The following TRAFD1 variants were observed in gnomAD, a reference collection of about 807,000 sequenced individuals.
TRAFD1 encodes the protein TRAF-type zinc finger domain containing 1.
A neutral mutation model predicts 65.3 loss-of-function variants in TRAFD1; 38 were observed. The ratio of observed to expected loss-of-function variants is 0.58; its 90% CI spans 0.45 to 0.76. TRAFD1 has a LOEUF of 0.76. TRAFD1 is among the 30% of genes least tolerant of loss of function. The pLI is 0.00. For synonymous variants in TRAFD1, 223 were observed against 257.2 expected (o/e 0.87, Z 1.27); for missense variants, 631 against 712.6 (o/e 0.89, Z 1.30).
At position 112,152,381 on chromosome 12, in the gene TRAFD1, T is replaced by C; in HGVS notation, c.1620-46T>C. 2.5e-6 allele frequency: 4 copies of C among 1,604,992 alleles called. No homozygotes were observed. The highest frequency in any genetic ancestry group is 3.4e-6 in the Non-Finnish European group (4 of 1,178,204). ...TGTTCCCTCTGAGTTTGTTGACCTTTGCTCAGGGACACTTCAGGAGCTAGT... is the reference window on the plus strand; with the variant it reads ...TGTTCCCTCTGAGTTTGTTGACCTTCGCTCAGGGACACTTCAGGAGCTAGT... On this transcript the variant is annotated intron_variant, in intron 10 of 11. Transcript: ENST00000412615. This position sits in a 1 kb window ranked among gnomAD's most constrained non-coding sequence, Gnocchi z 5.0.
At chr12:112,143,422 G>T (rs1043120184) in intron 6 of TRAFD1, among the ~76,000 whole-genome samples, 1 of 151,268 alleles carries the variant, frequency 6.6e-6, no homozygotes. Flanking sequence ...ACGGGGTTTC[G>T]CCATGTTGGC....
rs772308802 is a variant in TRAFD1, at chr12:112,130,655, G to A, written c.47+86G>A. 2 of 1,215,910 alleles carry A rather than the reference G, an allele frequency of 1.6e-6. No homozygotes were observed. The highest frequency in any genetic ancestry group is 2.4e-6 in the Non-Finnish European group (2 of 837,834). The allele number at this position is 1,215,910 out of a possible 1,614,324, so 75.3% of individuals were successfully genotyped here. On this transcript the variant is annotated intron_variant, in intron 2 of 11. Coordinates refer to ENST00000412615, the MANE Select transcript of TRAFD1 (RefSeq NM_006700.3). The surrounding 1 kb of genome is among the most constrained non-coding windows in gnomAD (Gnocchi z 4.4). ...ATTTCCTGATTTAAAAACTGTTAGT[G>A]AAGACTGGCACAGTCTTGAGTTAAG...
chr12:112,127,194 CT>C (rs1170912470), intron 1 of TRAFD1, among the ~76,000 whole-genome samples: 1 of 152,124 alleles, frequency 6.6e-6, no homozygotes, highest in Non-Finnish European at 1.5e-5. Context: ...CTATCTTTGT[CT>C]TTTCGTGGTT....
rs188839614 is a variant in TRAFD1, at chr12:112,143,165, C to T, written c.850+870C>T. On this transcript the variant is annotated intron_variant, in intron 6 of 11. Transcript: ENST00000412615. ...CACGATCTCGGCTCACTGCAACCTC[C>T]GCCTCCCGGGTTCACGCCATTCACC... 4.5e-4 allele frequency among the ~76,000 whole-genome samples: 68 copies of T among 151,694 alleles called. No individual in the cohort carries two copies. In the East Asian group the frequency reaches 0.011, roughly 25 times the overall value.
In TRAFD1 at chr12:112,151,972, C is replaced by T. The variant is rs549974987; in HGVS notation, c.1451C>T (p.Pro484Leu). ...PGCQPSSPCV[P>L]KLSNSDSQDI... Reference sequence around the variant, plus strand: ...TGCCAGCCCAGCTCTCCTTGTGTGCCGAAGCTCAGCAACTCAGACAGCCAG... The same window carrying T: ...TGCCAGCCCAGCTCTCCTTGTGTGCTGAAGCTCAGCAACTCAGACAGCCAG... Residue 484 changes from proline (P) to leucine (L), a missense_variant, in exon 10 of 12, where the codon CCG (proline) becomes CTG (leucine). Transcript: ENST00000412615. 60 of 1,614,230 alleles carry T rather than the reference C, an allele frequency of 3.7e-5. 3 individuals carry two copies. In the South Asian group the frequency reaches 4.1e-4, roughly 11 times the overall value.
At chr12:112,143,142 C>T (rs565362276) in intron 6 of TRAFD1, among the ~76,000 whole-genome samples, 12 of 151,964 alleles carry the variant, frequency 7.9e-5, no homozygotes, top group Middle Eastern at 6.8e-3. Context: ...TGCAGTGGCA[C>T]GATCTCGGCT....
rs182060082 is a variant in TRAFD1 at position 112,140,486 on chromosome 12, C to G, written c.238-333C>G. On this transcript the variant is annotated intron_variant, in intron 4 of 11. Coordinates refer to ENST00000412615, the MANE Select transcript of TRAFD1 (RefSeq NM_006700.3). ...GGGGACAGGGACATTGGAGCTTTGA[C>G]AAACATCTGACTTGCTATGATTCTT... 6.4e-4 allele frequency among the ~76,000 whole-genome samples: 96 copies of G among 150,654 alleles called. 1 individual carries two copies. Among genetic ancestry groups the G allele is most frequent in the African/African-American group, 2.1e-3 (85 of 41,048 alleles).
chr12:112,139,073 C>T (rs892754507), intron 4 of TRAFD1, among the ~76,000 whole-genome samples: 1 of 152,058 alleles, frequency 6.6e-6, no homozygotes, highest in Non-Finnish European at 1.5e-5. Flanking sequence ...CACAGTGGCT[C>T]ACGCCTGTAA....
At chr12:112,133,326 T>G (rs1010107369) in intron 2 of TRAFD1, 2 of 152,224 alleles carry the variant, frequency 1.3e-5, no homozygotes, top group Non-Finnish European at 2.9e-5. Flanking sequence ...GAAAGGCATG[T>G]GAGGCATACA....
chr12:112,140,473 ATTG>A (rs1024049456), intron 4 of TRAFD1, among the ~76,000 whole-genome samples: 1 of 151,638 alleles, frequency 6.6e-6, no homozygotes, highest in African/African-American at 2.4e-5. Flanking sequence ...GGACAGGGAC[ATTG>A]GAGCTTTGAC....
intron 6 of TRAFD1, among the ~76,000 whole-genome samples, chr12:112,143,883 C>T (rs1348511461): frequency 6.6e-6 from 1 of 151,760 alleles, no homozygotes. Context: ...CAGGCATGCA[C>T]CACTACCTTT....
Position 112,130,479 on chromosome 12 carries a change from A to T in TRAFD1, c.-12-32A>T, listed in dbSNP as rs2079562314. 6.4e-6 allele frequency: 10 copies of T among 1,573,104 alleles called. No individual in the cohort carries two copies. In the East Asian group the frequency reaches 2.0e-4, roughly 32 times the overall value. ...GTCATCTTTAAAGCAGAAATGAAAG[A>T]GAAAGTTCATGTCTTCCTTTGTGGT... On this transcript the variant is annotated intron_variant, in intron 1 of 11. Coordinates refer to ENST00000412615, the MANE Select transcript of TRAFD1 (RefSeq NM_006700.3). The surrounding 1 kb of genome is among the most constrained non-coding windows in gnomAD (Gnocchi z 4.4).
At chr12:112,139,994 C>T (rs906897179) in intron 4 of TRAFD1, 9 of 181,476 alleles carry the variant, frequency 5.0e-5, no homozygotes, top group Non-Finnish European at 1.1e-4. Flanking sequence ...TGTCGCTGGG[C>T]GACAGCAAGA....
intron 6 of TRAFD1, 21 bp downstream of exon 6, chr12:112,142,316 C>G (rs754189735): frequency 1.3e-6 from 2 of 1,597,032 alleles, no homozygotes; most frequent in Admixed American, 3.4e-5. Context: ...TTATTCTGCA[C>G]TAGCCTCTTT....
chr12:112,143,814 C>T (rs890353664), intron 6 of TRAFD1, among the ~76,000 whole-genome samples: 4 of 149,856 alleles, frequency 2.7e-5, no homozygotes, highest in African/African-American at 9.9e-5. Context: ...CTCACTGCAG[C>T]CTCCGCCCCC....
At position 112,135,142 on chromosome 12, in the gene TRAFD1, T is replaced by C. The variant is rs1052083086; in HGVS notation, c.237+76T>C. On this transcript the variant is annotated intron_variant, in intron 4 of 11. Coordinates refer to ENST00000412615, the MANE Select transcript of TRAFD1 (RefSeq NM_006700.3). ...ACCCACATGCAGAGCAGGAAGCCAG[T>C]CTGGTTGAGTGTTAGTTCTCCGTGA... 5 of 1,545,524 alleles carry C rather than the reference T, an allele frequency of 3.2e-6. No individual in the cohort carries two copies. In the African/African-American group the frequency reaches 5.4e-5, roughly 17 times the overall value.
intron 9 of TRAFD1, among the ~76,000 whole-genome samples, chr12:112,150,084 C>T (rs547331985): frequency 1.1e-4 from 17 of 152,276 alleles, no homozygotes; most frequent in African/African-American, 3.1e-4. Flanking sequence ...AATGGCTTTG[C>T]GGACATCCAT....
chr12:112,125,930 A>C (rs1052161759), intron 1 of TRAFD1: 2 of 152,256 alleles, frequency 1.3e-5, no homozygotes, highest in African/African-American at 4.8e-5. Context: ...AGCTGGGCTC[A>C]GTGCCGGCCT....
chr12:112,135,015 G>A lies in TRAFD1; in HGVS notation c.186G>A (p.Val62=). ...CTGATTCTCACTTCTTACTCTAGGT[G>A]ACCTGCAAATGTAACAAGAAGTTGG... ...ETHMAAEHCQ[V]TCKCNKKLEK... The change falls in exon 4 of 12, where the codon GTG becomes GTA. Residue 62 remains valine (V), a splice_region_variant and synonymous_variant. Transcript: ENST00000412615. The A allele has an allele frequency of 6.2e-7, 1 of 1,614,122 alleles. No individual in the cohort carries two copies. The highest frequency in any genetic ancestry group is 8.5e-7 in the Non-Finnish European group (1 of 1,180,032).
Sources: allele counts gnomAD v4.1 joint callset (sites outside exome capture counted in the v4.1 genomes callset), GRCh38; gene constraint gnomAD v4.1.1; non-coding constraint Gnocchi (gnomAD v3.1); transcripts MANE v1.5; gene names NCBI Gene and HGNC (gene_info 2026-07-23, HGNC 2026-07-21).